ZNF827: variants seen among roughly 807,000 people sequenced by gnomAD.
The protein encoded by ZNF827 is zinc finger protein 827.
In ZNF827, 13 loss-of-function variants were observed where a neutral mutation model predicts 102.4. The observed-to-expected ratio is 0.13, with a 90% CI of 0.08 to 0.20. ZNF827 has a LOEUF of 0.20. Among genes scored for constraint, ZNF827 ranks in the 10% least tolerant of loss-of-function variants. The pLI is 1.00. For missense variants in ZNF827, 1,103 were observed against 1,344.4 expected (o/e 0.82, Z 2.81); for synonymous variants, 523 against 536.2 (o/e 0.98, Z 0.34).
At chr4:145,798,281 G>T (rs1303078948) in intron 8 of ZNF827, among the ~76,000 whole-genome samples, 10 of 152,164 alleles carry the variant, frequency 6.6e-5, no homozygotes, top group Admixed American at 6.5e-4. Flanking sequence ...AGTATGAAAT[G>T]ACCTAAGAAT....
Position 145,774,752 on chromosome 4 carries a change from C to T in ZNF827, c.2694-80G>A, listed in dbSNP as rs1242439574. The T allele has an allele frequency of 1.2e-5, 17 of 1,440,274 alleles. No homozygotes were observed. In the East Asian group the frequency reaches 3.8e-4, roughly 32 times the overall value. 89.2% of individuals were successfully genotyped at this position (1,440,274 alleles called of 1,614,324 possible). A position where few individuals can be genotyped will look rare whatever the true frequency, so the allele number is the denominator to read the frequency against. ...TAAATGTAGGCTGTCCATTTATACA[C>T]AGTACACTCAAGAAAACTGGAATTT... On this transcript the variant is annotated intron_variant, in intron 10 of 14. Transcript: ENST00000508784.
At chr4:145,898,596 C>T (rs1249999455) in intron 2 of ZNF827, among the ~76,000 whole-genome samples, 1 of 152,210 alleles carries the variant, frequency 6.6e-6, no homozygotes, top group Non-Finnish European at 1.5e-5. Context: ...CGGACATAAT[C>T]TTCCCTCTAT....
At chr4:145,851,263 G>C (rs1179271760) in intron 5 of ZNF827, among the ~76,000 whole-genome samples, 2 of 149,206 alleles carry the variant, frequency 1.3e-5, no homozygotes, top group African/African-American at 5.0e-5. Context: ...AGCAGACCTA[G>C]GAAACTTCAG....
At chr4:145,914,303 T>C (rs1752516795) in intron 1 of ZNF827, among the ~76,000 whole-genome samples, 4 of 152,184 alleles carry the variant, frequency 2.6e-5, no homozygotes, top group Admixed American at 2.6e-4. Flanking sequence ...AAACAAAAGC[T>C]GCAAGGAGGC....
Position 145,849,180 on chromosome 4 carries a change from C to T in ZNF827, c.2221+142G>A, listed in dbSNP as rs536114560. On this transcript the variant is annotated intron_variant, in intron 6 of 14. Transcript: ENST00000508784. The stretch of plus-strand genomic sequence containing the variant: ...CTTTATTAACTGTTAGTTTGGGTGG[C>T]AGTATGCATGTTAAAGCAACAAAAT... 8.2e-6 allele frequency: 8 copies of T among 971,576 alleles called. No individual in the cohort carries two copies. In the African/African-American group the frequency reaches 1.2e-4, roughly 14 times the overall value. The allele number at this position is 971,576 out of a possible 1,614,324, so 60.2% of individuals were successfully genotyped here.
chr4:145,764,171 T>A (rs1284233717), intron 13 of ZNF827, among the ~76,000 whole-genome samples: 1 of 152,246 alleles, frequency 6.6e-6, no homozygotes, highest in East Asian at 1.9e-4. Context: ...TTAGTAATTA[T>A]GCCTTGAAAA....
In ZNF827 at chr4:145,902,964, C is replaced by A; in HGVS notation, c.295G>T (p.Asp99Tyr). The A allele has an allele frequency of 6.2e-7, 1 of 1,614,176 alleles. No homozygotes were observed. The highest frequency in any genetic ancestry group is 8.5e-7 in the Non-Finnish European group (1 of 1,180,028). ...GAAGACACTCCCGGGGAAAGGTGATCTTGACACTGCAGTGAGTCTCGCAGG... is the reference window on the plus strand; with the variant it reads ...GAAGACACTCCCGGGGAAAGGTGATATTGACACTGCAGTGAGTCTCGCAGG... ...EVLRDSLQCQ[D>Y]HLSPGVSSLC... The change falls in exon 2 of 15, where the codon GAT (aspartate) becomes TAT (tyrosine). Residue 99 changes from aspartate to tyrosine, a missense_variant. Coordinates refer to ENST00000508784, the MANE Select transcript of ZNF827 (RefSeq NM_001306215.2). The surrounding 1 kb of genome is among the most constrained non-coding windows in gnomAD (Gnocchi z 4.3).
chr4:145,889,984 A>T (rs114797840), intron 3 of ZNF827, among the ~76,000 whole-genome samples: 2,490 of 136,016 alleles, frequency 0.018, 55 homozygotes, highest in African/African-American at 0.058. Flanking sequence ...CTCAAAAATT[A>T]AAAAAAAAAA....
chr4:145,776,641 GTCA>G (rs1737157042), intron 9 of ZNF827, among the ~76,000 whole-genome samples: 4 of 152,016 alleles, frequency 2.6e-5, no homozygotes, highest in African/African-American at 4.8e-5. Context: ...CCATGTGTCA[GTCA>G]TGGGTGAGTG....
Position 145,760,615 on chromosome 4 carries a change from T to C in ZNF827, c.*1001A>G. 3.3e-6 allele frequency: 1 copy of C among 306,504 alleles called. No homozygotes were observed. Among genetic ancestry groups the C allele is most frequent in the Non-Finnish European group, 5.0e-6 (1 of 198,072 alleles). The allele number at this position is 306,504 out of a possible 1,614,324, so 19.0% of individuals were successfully genotyped here. ...CAATAGGTATACACACAGAGCCAAT[T>C]TTCTATTCCTTACTAAAGATATACA... On this transcript the variant is annotated 3_prime_UTR_variant, in exon 15 of 15. Transcript: ENST00000508784.
intron 2 of ZNF827, among the ~76,000 whole-genome samples, chr4:145,897,975 CG>C (rs1485301658): frequency 5.3e-5 from 8 of 152,002 alleles, no homozygotes; most frequent in African/African-American, 1.7e-4. Context: ...ACTAACATGG[CG>C]AAACCCCATC....
intron 7 of ZNF827, among the ~76,000 whole-genome samples, chr4:145,836,277 C>A (rs1382123562): frequency 6.6e-6 from 1 of 151,790 alleles, no homozygotes; most frequent in African/African-American, 2.4e-5. Context: ...TCCTTTCCTT[C>A]CTAGGCATGG....
intron 6 of ZNF827, 108 bp downstream of exon 6, chr4:145,849,214 G>T: frequency 7.2e-7 from 1 of 1,391,616 alleles, no homozygotes; most frequent in Non-Finnish European, 9.6e-7. Flanking sequence ...ATTGATTTCT[G>T]TCTAAAAAAT....
chr4:145,764,888 T>A (rs1735048276), intron 13 of ZNF827, 100 bp downstream of exon 13: 1 of 1,556,530 alleles, frequency 6.4e-7, no homozygotes, highest in African/African-American at 1.4e-5. Flanking sequence ...GCTCCCCTTC[T>A]CCATGACTCC....
intron 1 of ZNF827, chr4:145,907,016 C>G (rs955218364): frequency 1.1e-5 from 5 of 454,718 alleles, no homozygotes; most frequent in Non-Finnish European, 2.2e-5. Flanking sequence ...AGAGAAAGAG[C>G]AGAAACTTGA....
intron 2 of ZNF827, among the ~76,000 whole-genome samples, chr4:145,901,877 A>C (rs1751441695): frequency 6.6e-6 from 1 of 152,128 alleles, no homozygotes; most frequent in Non-Finnish European, 1.5e-5. Flanking sequence ...GTATGGACCT[A>C]GCCTGAACTT....
chr4:145,874,661 G>A (rs1023470577), intron 4 of ZNF827, among the ~76,000 whole-genome samples: 2 of 152,196 alleles, frequency 1.3e-5, no homozygotes, highest in African/African-American at 4.8e-5. Context: ...TATGACTCAT[G>A]ACATAGTCTT....
At chr4:145,836,528 G>A (rs1193633594) in intron 7 of ZNF827, among the ~76,000 whole-genome samples, 60 of 151,404 alleles carry the variant, frequency 4.0e-4, no homozygotes, top group African/African-American at 1.4e-3. Context: ...TCTGCTCCCC[G>A]GCTCCTTCAG....
intron 1 of ZNF827, 137 bp downstream of exon 1, chr4:145,938,228 C>T (rs1429074047): frequency 1.5e-5 from 16 of 1,034,690 alleles, no homozygotes; most frequent in Non-Finnish European, 1.9e-5. Flanking sequence ...CGAGGAGTAA[C>T]CCGGGCTGTG....
Sources: gnomAD v4.1 joint callset for allele counts (sites outside exome capture counted in the v4.1 genomes callset) on GRCh38, gnomAD v4.1.1 for gene constraint, Gnocchi (gnomAD v3.1) non-coding constraint, MANE v1.5 for transcripts, NCBI Gene and HGNC (gene_info 2026-07-23, HGNC 2026-07-21) for gene names.